RNF207: variants seen among roughly 807,000 people sequenced by gnomAD.
The protein encoded by RNF207 is OTTHUMG00000001089.
RNF207 carries 72 observed loss-of-function variants against 79.0 expected under a neutral mutation model. The ratio of observed to expected loss-of-function variants is 0.91; its 90% CI spans 0.75 to 1.11. The LOEUF (loss-of-function observed/expected upper bound fraction) is 1.11, where lower values mean the gene tolerates loss of function less well. Among genes scored for constraint, RNF207 ranks in the 50% least tolerant of loss-of-function variants. The probability of loss-of-function intolerance (pLI) is 0.00; values close to 1 mark genes in which losing one functional copy is unlikely to be tolerated. For missense variants in RNF207, 936 were observed against 855.8 expected, an observed-to-expected ratio of 1.09 and a Z score of -1.17; for synonymous variants, 348 against 366.2, an observed-to-expected ratio of 0.95 and a Z score of 0.57.
Position 6,212,359 on chromosome 1 carries a change from C to T in RNF207, c.1425C>T (p.Asp475=), listed in dbSNP as rs371400504. 9.3e-6 allele frequency: 15 copies of T among 1,613,842 alleles called. No individual in the cohort carries two copies. The highest frequency in any genetic ancestry group is 3.3e-5 in the Admixed American group (2 of 59,992). ...TCCTGCACAAGTCCCTGCAACTGGA[C>T]GTGCAGATCGCCTCGGAGCACGCCT... ...GDVLHKSLQL[D]VQIASEHASL... The change falls in exon 14 of 18, where the codon GAC becomes GAT. Residue 475 remains aspartate (D), a synonymous_variant. Transcript: ENST00000377939.
At chr1:6,210,176 G>A (rs763043583) in intron 8 of RNF207, 47 bp from the exon 9 acceptor site, 33 of 1,533,950 alleles carry the variant, frequency 2.2e-5, no homozygotes, top group South Asian at 5.7e-5. Context: ...GGAACTGCCC[G>A]GCCCTGCTCC....
Position 6,210,622 on chromosome 1 carries a change from G to A in RNF207, c.942+184G>A. Reference sequence around the variant, plus strand: ...GGGTCACTGTTACAAGGACAGTGAAGCCAGGAAGGGGGCATGAGCCTACAG... The same window carrying A: ...GGGTCACTGTTACAAGGACAGTGAAACCAGGAAGGGGGCATGAGCCTACAG... On this transcript the variant is annotated intron_variant, in intron 10 of 17. Transcript: ENST00000377939. 4.8e-6 allele frequency: 3 copies of A among 629,312 alleles called. No individual in the cohort carries two copies. In the South Asian group the frequency reaches 5.7e-5, roughly 12 times the overall value. The allele number at this position is 629,312 out of a possible 1,614,324, so 39.0% of individuals were successfully genotyped here. A position where few individuals can be genotyped will look rare whatever the true frequency, so the allele number is the denominator to read the frequency against.
In RNF207 at chr1:6,209,322, G is replaced by A. The variant is rs1668054635; in HGVS notation, c.606G>A (p.Glu202=). ...AATCGGCTTACGTGCAGGGCTGCGAGCGGCTGGAGCAGGCGGTGCTGGTGA... is the reference window on the plus strand; with the variant it reads ...AATCGGCTTACGTGCAGGGCTGCGAACGGCTGGAGCAGGCGGTGCTGGTGA... The part of the protein sequence containing the change: ...DLESAYVQGC[E]RLEQAVLAVK... The change falls in exon 6 of 18, where the codon GAG becomes GAA. Residue 202 remains glutamate (E), a synonymous_variant. Transcript: ENST00000377939. 1.3e-6 allele frequency: 2 copies of A among 1,546,302 alleles called. No individual in the cohort carries two copies. Among genetic ancestry groups the A allele is most frequent in the Non-Finnish European group, 1.7e-6 (2 of 1,146,614 alleles).
rs779920329 is a variant in RNF207, at chr1:6,210,455, C to G, written c.942+17C>G. Reference sequence around the variant, plus strand: ...CTGGGCTATGTGAGTCTCCTCTGCTCCTGCAGATGCCCCCTCCCCACCAGG... The same window carrying G: ...CTGGGCTATGTGAGTCTCCTCTGCTGCTGCAGATGCCCCCTCCCCACCAGG... On this transcript the variant is annotated intron_variant, in intron 10 of 17. Coordinates refer to ENST00000377939, the MANE Select transcript of RNF207 (RefSeq NM_207396.3). 1.9e-6 allele frequency: 3 copies of G among 1,598,040 alleles called. No homozygotes were observed. The African/African-American group carries it at 4.0e-5, about 21-fold the overall frequency.
At chr1:6,212,439 C>CT in intron 14 of RNF207, 23 bp downstream of exon 14, 1 of 1,589,120 alleles carries the variant, frequency 6.3e-7, no homozygotes, top group Non-Finnish European at 8.6e-7. Context: ...AGGACTCTAA[C>CT]TCCAGCCCCA....
intron 17 of RNF207, among the ~76,000 whole-genome samples, chr1:6,218,649 G>A (rs1477106819): frequency 6.6e-6 from 1 of 152,218 alleles, no homozygotes; most frequent in Non-Finnish European, 1.5e-5. Flanking sequence ...ACTGGGAGCT[G>A]CACGTGCTTA....
At chr1:6,208,225 C>T (rs560512751) in intron 3 of RNF207, 1 of 155,884 alleles carries the variant, frequency 6.4e-6, no homozygotes, top group East Asian at 1.9e-4. Context: ...AGTGTGACTC[C>T]AGATGGCCAG....
At chr1:6,216,196 C>G (rs1466327079) in intron 16 of RNF207, among the ~76,000 whole-genome samples, 1 of 152,120 alleles carries the variant, frequency 6.6e-6, no homozygotes, top group African/African-American at 2.4e-5. Flanking sequence ...GGGATCTTGG[C>G]AGTCACCTGG....
At chr1:6,216,425 C>G (rs1266508509) in intron 16 of RNF207, among the ~76,000 whole-genome samples, 2 of 152,210 alleles carry the variant, frequency 1.3e-5, no homozygotes, top group African/African-American at 4.8e-5. Flanking sequence ...GTTGCTCCCT[C>G]AACCCACTTC....
intron 16 of RNF207, among the ~76,000 whole-genome samples, chr1:6,215,331 CTTTT>C (rs147320112): frequency 3.6e-5 from 5 of 138,798 alleles, no homozygotes; most frequent in Non-Finnish European, 3.1e-5. Flanking sequence ...CCCGGCCCCC[CTTTT>C]TTTTTTTTTT....
chr1:6,210,797 GCCT>G, intron 10 of RNF207, 70 bp from the exon 11 acceptor site: 1 of 1,331,906 alleles, frequency 7.5e-7, no homozygotes, highest in Non-Finnish European at 1.1e-6. Context: ...GACGTGCTCC[GCCT>G]CCATCTCCCC....
In RNF207 at chr1:6,207,130, C is replaced by A. The variant is rs1667939885; in HGVS notation, c.192-249C>A. 6.6e-6 allele frequency among the ~76,000 whole-genome samples: 1 copy of A among 152,170 alleles called. No individual in the cohort carries two copies. The highest frequency in any genetic ancestry group is 2.4e-5 in the African/African-American group (1 of 41,430). On this transcript the variant is annotated intron_variant, in intron 2 of 17. Coordinates refer to ENST00000377939, the MANE Select transcript of RNF207 (RefSeq NM_207396.3). The surrounding 1 kb of genome is among the most constrained non-coding windows in gnomAD (Gnocchi z 4.5). ...TTTGCCCAATGCCGTGAGAAGATGT[C>A]GAGGAGCAGCTTCTGCTTTTGATAC...
In RNF207 at chr1:6,210,494, G is replaced by A. The variant is rs1333041568; in HGVS notation, c.942+56G>A. 5 of 1,438,784 alleles carry A rather than the reference G, an allele frequency of 3.5e-6. No individual in the cohort carries two copies. The African/African-American group carries it at 5.6e-5, about 16-fold the overall frequency. 89.1% of individuals were successfully genotyped at this position (1,438,784 alleles called of 1,614,324 possible). A position where few individuals can be genotyped will look rare whatever the true frequency, so the allele number is the denominator to read the frequency against. ...CTCCCCACCAGGAGCCCACCCTGCAGACCAAAGCCACCAACTCAGGGGTGG... is the reference window on the plus strand; with the variant it reads ...CTCCCCACCAGGAGCCCACCCTGCAAACCAAAGCCACCAACTCAGGGGTGG... On this transcript the variant is annotated intron_variant, in intron 10 of 17. Transcript: ENST00000377939.
chr1:6,209,866 T>TG (rs1668084734), intron 7 of RNF207, 58 bp from the exon 8 acceptor site: 2 of 1,524,794 alleles, frequency 1.3e-6, no homozygotes, highest in Non-Finnish European at 1.8e-6. Context: ...GGGGTAGGCA[T>TG]GGTGGGAGGT....
rs1213910493 is a variant in RNF207, at chr1:6,211,586, G to A, written c.1110-281G>A. ...GCCCACACTTCCTCTGTCCAGCATA[G>A]AAGTGAACACACCACTCACTCGGTC... On this transcript the variant is annotated intron_variant, in intron 12 of 17. Coordinates refer to ENST00000377939, the MANE Select transcript of RNF207 (RefSeq NM_207396.3). The surrounding 1 kb of genome is among the most constrained non-coding windows in gnomAD (Gnocchi z 4.2). Among the ~76,000 whole-genome samples, 7 of 152,208 alleles carry A rather than the reference G, an allele frequency of 4.6e-5. No homozygotes were observed. The highest frequency in any genetic ancestry group is 8.8e-5 in the Non-Finnish European group (6 of 68,022).
In RNF207 at chr1:6,211,917, C is replaced by T. The variant is rs1210386789; in HGVS notation, c.1160C>T (p.Ser387Phe). 1.1e-5 allele frequency: 17 copies of T among 1,550,928 alleles called. No individual in the cohort carries two copies. Among genetic ancestry groups the T allele is most frequent in the Non-Finnish European group, 1.4e-5 (16 of 1,147,396 alleles). ...PKALTGPHCP[S>F]PVGKMSGSPV... ...GCGCTGACGGGGCCCCACTGCCCCT[C>T]CCCAGTAGGAAAGATGTCGGGGTCA... Residue 387 changes from serine to phenylalanine, a missense_variant, in exon 13 of 18, where the codon TCC becomes TTC. Physicochemically the swap from Ser to Phe is radical, Grantham distance 155. Transcript: ENST00000377939. The surrounding 1 kb of genome is among the most constrained non-coding windows in gnomAD (Gnocchi z 4.2).
At position 6,206,654 on chromosome 1, in the gene RNF207, G is replaced by A; in HGVS notation, c.119G>A (p.Cys40Tyr). 6.2e-7 allele frequency: 1 copy of A among 1,607,946 alleles called. No individual in the cohort carries two copies. Among genetic ancestry groups the A allele is most frequent in the South Asian group, 1.1e-5 (1 of 91,086 alleles). The change falls in exon 2 of 18, where the codon TGT becomes TAT. Residue 40 changes from cysteine to tyrosine, a missense_variant. Coordinates refer to ENST00000377939, the MANE Select transcript of RNF207 (RefSeq NM_207396.3). The stretch of plus-strand genomic sequence containing the variant: ...TACGAGCGCCCGTGTCTTCTGGACT[G>A]TTTCCACGACTTCTGTGCCGGCTGC... ...VQYERPCLLDCFHDFCAGCLR... is the reference protein window; with the variant it reads ...VQYERPCLLDYFHDFCAGCLR...
In RNF207 at chr1:6,209,394, T is replaced by C. The variant is rs973249963; in HGVS notation, c.628-20T>C. 4.6e-6 allele frequency: 7 copies of C among 1,524,202 alleles called. No individual in the cohort carries two copies. In the African/African-American group the frequency reaches 9.8e-5, roughly 21 times the overall value. The allele number at this position is 1,524,202 out of a possible 1,614,324, so 94.4% of individuals were successfully genotyped here. On this transcript the variant is annotated intron_variant, in intron 6 of 17. Transcript: ENST00000377939. ...GGCCGCGCGGCGGCGATCGCGAGCC[T>C]GACCACGCCCTGTCCCCAGGCCGTG... is the stretch of plus-strand genomic sequence containing the variant.
intron 3 of RNF207, chr1:6,208,327 T>TAAA (rs1430727743): frequency 6.6e-6 from 1 of 151,154 alleles, no homozygotes; most frequent in African/African-American, 2.4e-5. Context: ...AAAAAAAAAT[T>TAAA]TTTTTTTTTG....
Sources: gnomAD v4.1 joint callset for allele counts (sites outside exome capture counted in the v4.1 genomes callset) on GRCh38, gnomAD v4.1.1 for gene constraint, Gnocchi (gnomAD v3.1) non-coding constraint, MANE v1.5 for transcripts, NCBI Gene and HGNC (gene_info 2026-07-23, HGNC 2026-07-21) for gene names.